The following DCC variants were observed in gnomAD, a reference collection of about 807,000 sequenced individuals.
DCC encodes the protein netrin receptor DCC.
DCC carries 58 observed loss-of-function variants against 172.5 expected under a neutral mutation model. The observed-to-expected ratio is 0.34, with a 90% confidence interval of 0.27 to 0.42. The LOEUF (loss-of-function observed/expected upper bound fraction) is 0.42, where lower values mean the gene tolerates loss of function less well. Among genes scored for constraint, DCC ranks in the 10% least tolerant of loss-of-function variants. The pLI is 1.00. For missense variants in DCC, 1,740 were observed against 1,791.0 expected (o/e 0.97, Z 0.51); for synonymous variants, 709 against 644.5 (o/e 1.10, Z -1.52).
intron 15 of DCC, among the ~76,000 whole-genome samples, chr18:53,385,007 C>T (rs573605744): frequency 4.3e-4 from 61 of 143,470 alleles, no homozygotes; most frequent in African/African-American, 1.4e-3. Context: ...CCACAGTGCC[C>T]GGCTAATTTT....
At chr18:53,265,661 A>G (rs146390839) in intron 12 of DCC, among the ~76,000 whole-genome samples, 13 of 152,330 alleles carry the variant, frequency 8.5e-5, no homozygotes, top group Non-Finnish European at 1.8e-4. Flanking sequence ...TAGTTCCAGA[A>G]ATCAACTTAT....
chr18:52,350,290 T>C (rs2195782), intron 1 of DCC, among the ~76,000 whole-genome samples: 149,895 of 152,330 alleles, frequency 0.98, 73,772 homozygotes, highest in South Asian at 1. Context: ...AACAGTTCTG[T>C]TCTTCATGTG....
intron 1 of DCC, among the ~76,000 whole-genome samples, chr18:52,564,753 A>G (rs1334177040): frequency 6.6e-6 from 1 of 152,016 alleles, no homozygotes; most frequent in Non-Finnish European, 1.5e-5. Flanking sequence ...ATACAAATAC[A>G]TAAAATTTCA....
intron 1 of DCC, among the ~76,000 whole-genome samples, chr18:52,549,530 C>T (rs887508573): frequency 3.3e-5 from 5 of 152,092 alleles, no homozygotes; most frequent in African/African-American, 7.2e-5. Flanking sequence ...GTCCTCCACA[C>T]GGTGAACCAG....
intron 27 of DCC, among the ~76,000 whole-genome samples, chr18:53,524,067 T>C (rs2046429344): frequency 6.6e-6 from 1 of 152,050 alleles, no homozygotes; most frequent in African/African-American, 2.4e-5. Context: ...AGATCCATTG[T>C]ATATTGTGGC....
chr18:53,076,060 G>A (rs573856515), intron 7 of DCC, among the ~76,000 whole-genome samples: 52 of 152,290 alleles, frequency 3.4e-4, no homozygotes, highest in African/African-American at 1.2e-3. Context: ...TCATCAGAAT[G>A]CCAATCATAT....
intron 9 of DCC, among the ~76,000 whole-genome samples, chr18:53,187,130 T>C (rs549240978): frequency 0.2 from 13,304 of 67,602 alleles, 764 homozygotes; most frequent in African/African-American, 0.33. Flanking sequence ...TTTTTTTTTC[T>C]TTTTTTTTTT....
chr18:53,498,888 A>G (rs2046060678), intron 26 of DCC, among the ~76,000 whole-genome samples: 1 of 152,226 alleles, frequency 6.6e-6, no homozygotes, highest in Non-Finnish European at 1.5e-5. Context: ...TTTAAATCAC[A>G]GAAAAATTGG....
chr18:53,171,918 T>C (rs1373108428), intron 8 of DCC, among the ~76,000 whole-genome samples: 3 of 152,074 alleles, frequency 2.0e-5, no homozygotes, highest in Admixed American at 6.6e-5. Context: ...GGAATGCTTA[T>C]ACATTGTTGG....
chr18:52,894,850 A>G (rs2039705639), intron 2 of DCC, among the ~76,000 whole-genome samples: 1 of 152,164 alleles, frequency 6.6e-6, no homozygotes, highest in Non-Finnish European at 1.5e-5. Context: ...TGGGGAAGAC[A>G]TTGTTTTATT....
intron 14 of DCC, among the ~76,000 whole-genome samples, chr18:53,323,404 C>T (rs2057433210): frequency 6.6e-6 from 1 of 152,160 alleles, no homozygotes; most frequent in African/African-American, 2.4e-5. Context: ...TTAATCTCTG[C>T]CATGTGACTG....
At chr18:52,478,468 C>T (rs561527468) in intron 1 of DCC, among the ~76,000 whole-genome samples, 1 of 152,284 alleles carries the variant, frequency 6.6e-6, no homozygotes, top group Admixed American at 6.5e-5. Context: ...TCAGTGTTTA[C>T]TGGGCACTTA....
At chr18:53,184,001 T>C (rs1435067597) in intron 9 of DCC, among the ~76,000 whole-genome samples, 1 of 102,356 alleles carries the variant, frequency 9.8e-6, no homozygotes, top group African/African-American at 3.8e-5. Context: ...GGCATCTCAT[T>C]TAAAAAAAAA....
At chr18:52,512,611 C>G (rs549641111) in intron 1 of DCC, among the ~76,000 whole-genome samples, 3 of 152,178 alleles carry the variant, frequency 2.0e-5, no homozygotes, top group Non-Finnish European at 4.4e-5. Flanking sequence ...CTACTATGTG[C>G]CAGATAAAAA....
chr18:53,307,945 ATATAT>A (rs2057222554), intron 13 of DCC, among the ~76,000 whole-genome samples: 3 of 110,712 alleles, frequency 2.7e-5, no homozygotes, highest in Non-Finnish European at 5.4e-5. Context: ...ATATATATAT[ATATAT>A]GTATTTTATA....
intron 9 of DCC, among the ~76,000 whole-genome samples, chr18:53,185,020 C>T (rs2055257790): frequency 6.6e-6 from 1 of 152,116 alleles, no homozygotes; most frequent in Non-Finnish European, 1.5e-5. Flanking sequence ...GTTGTCTGAT[C>T]CCGTACATGG....
rs1246055661 is a variant in DCC, at chr18:52,399,092, ATT to A, written c.91+58215_91+58216del. 2.0e-5 allele frequency among the ~76,000 whole-genome samples: 3 copies of A among 152,142 alleles called. No homozygotes were observed. In the East Asian group the frequency reaches 5.8e-4, roughly 29 times the overall value. On this transcript the variant is annotated intron_variant, in intron 1 of 28. Transcript: ENST00000442544. ...AAACACACTTGATACTGAAATCCAT[ATT>A]GATAAAAAATTAAACTGAGATAAGG...
chr18:53,513,417 A>C (rs1031542151), intron 27 of DCC, among the ~76,000 whole-genome samples: 5 of 152,210 alleles, frequency 3.3e-5, no homozygotes, highest in Non-Finnish European at 5.9e-5. Context: ...AACGAGCAAA[A>C]TCACCAGCTA....
At chr18:53,363,587 C>T (rs1462712667) in intron 15 of DCC, among the ~76,000 whole-genome samples, 1 of 152,126 alleles carries the variant, frequency 6.6e-6, no homozygotes, top group East Asian at 1.9e-4. Context: ...CCGGCATAGA[C>T]ATTTACACAC....
Sources: gnomAD v4.1 joint callset for allele counts (sites outside exome capture counted in the v4.1 genomes callset) on GRCh38, gnomAD v4.1.1 for gene constraint, MANE v1.5 for transcripts, NCBI Gene and HGNC (gene_info 2026-07-23, HGNC 2026-07-21) for gene names.